The following AFF4 variants were observed in gnomAD, a reference collection of about 807,000 sequenced individuals.
AFF4 encodes the protein ALF transcription elongation factor 4, also known as AF4/FMR2 family member 4.
A neutral mutation model predicts 124.8 loss-of-function variants in AFF4; 13 were observed. The observed-to-expected ratio is 0.10, with a 90% confidence interval of 0.07 to 0.17. The LOEUF (loss-of-function observed/expected upper bound fraction) is 0.17, where lower values mean the gene tolerates loss of function less well. Ranked by LOEUF, AFF4 falls within the 10% of genes least tolerant of loss-of-function variation. AFF4 has a pLI of 1.00. For missense variants in AFF4, 1,092 were observed against 1,403.8 expected, an observed-to-expected ratio of 0.78 and a Z score of 3.55; for synonymous variants, 477 against 496.1, an observed-to-expected ratio of 0.96 and a Z score of 0.51.
At chr5:132,960,317 A>G (rs951063146) in intron 1 of AFF4, among the ~76,000 whole-genome samples, 1 of 152,220 alleles carries the variant, frequency 6.6e-6, no homozygotes, top group Non-Finnish European at 1.5e-5. Context: ...GAATAAAGCT[A>G]AAGTAAAAAA....
At chr5:132,885,420 G>A (rs374196919) in intron 18 of AFF4, among the ~76,000 whole-genome samples, 1 of 127,666 alleles carries the variant, frequency 7.8e-6, no homozygotes, top group East Asian at 2.5e-4. Flanking sequence ...GGGAGTAGCT[G>A]CAGTGAGCCA....
intron 1 of AFF4, among the ~76,000 whole-genome samples, chr5:132,948,032 G>A (rs768027555): frequency 6.6e-6 from 1 of 151,648 alleles, no homozygotes; most frequent in Admixed American, 6.6e-5. Context: ...TTCTCAACTC[G>A]TCCCTCAAAG....
rs1285677484 is a variant in AFF4 at position 132,900,834 on chromosome 5, G to A, written c.1134-1193C>T. ...AAAGCTTAGGGAGAACTACAACTAG[G>A]AAAATGTCTAATTTCTCATTATCAG... On this transcript the variant is annotated intron_variant, in intron 7 of 20. Coordinates refer to ENST00000265343, the MANE Select transcript of AFF4 (RefSeq NM_014423.4). 4.1e-6 allele frequency: 4 copies of A among 970,862 alleles called. No individual in the cohort carries two copies. The East Asian group carries it at 3.4e-4, about 83-fold the overall frequency. The allele number at this position is 970,862 out of a possible 1,614,324, so 60.1% of individuals were successfully genotyped here. A position where few individuals can be genotyped will look rare whatever the true frequency, so the allele number is the denominator to read the frequency against.
intron 1 of AFF4, among the ~76,000 whole-genome samples, chr5:132,940,480 G>A (rs1443044105): frequency 1.3e-5 from 2 of 151,858 alleles, no homozygotes; most frequent in Admixed American, 6.6e-5. Flanking sequence ...CAGCCTGGGC[G>A]ACAGAGGGAG....
Position 132,893,189 on chromosome 5 carries a change from C to T in AFF4, c.2308-71G>A, listed in dbSNP as rs1162603357. ...TTCAGCTTCCAGCACTAGCTACCCACAAAGAGTTTATCCATGATTAGGCAT... is the reference window on the plus strand; with the variant it reads ...TTCAGCTTCCAGCACTAGCTACCCATAAAGAGTTTATCCATGATTAGGCAT... On this transcript the variant is annotated intron_variant, in intron 11 of 20. Transcript: ENST00000265343. 9 of 1,233,964 alleles carry T rather than the reference C, an allele frequency of 7.3e-6. No homozygotes were observed. The Admixed American group carries it at 1.5e-4, about 21-fold the overall frequency. 76.4% of individuals were successfully genotyped at this position (1,233,964 alleles called of 1,614,324 possible).
At chr5:132,904,254 GA>G in intron 6 of AFF4, 113 bp downstream of exon 6, 4 of 906,344 alleles carry the variant, frequency 4.4e-6, no homozygotes, top group Non-Finnish European at 6.7e-6. Flanking sequence ...AAACAAAAAT[GA>G]AAAAGGATAT....
At chr5:132,958,085 T>C (rs1037821046) in intron 1 of AFF4, among the ~76,000 whole-genome samples, 1 of 152,168 alleles carries the variant, frequency 6.6e-6, no homozygotes, top group Non-Finnish European at 1.5e-5. Flanking sequence ...TGCGTGTTAC[T>C]TTTTTTAGTG....
At chr5:132,926,915 C>T in intron 5 of AFF4, 1 of 486,026 alleles carries the variant, frequency 2.1e-6, no homozygotes, top group East Asian at 3.8e-5. Context: ...TTCTTAATAC[C>T]TCTTGATCCA....
intron 1 of AFF4, among the ~76,000 whole-genome samples, chr5:132,962,773 C>G (rs909067529): frequency 2.6e-5 from 4 of 151,116 alleles, no homozygotes; most frequent in Non-Finnish European, 4.4e-5. Flanking sequence ...AGTCAATCCC[C>G]TTCGCAAGTC....
At chr5:132,933,413 G>C (rs572175335) in intron 3 of AFF4, among the ~76,000 whole-genome samples, 1 of 150,788 alleles carries the variant, frequency 6.6e-6, no homozygotes, top group African/African-American at 2.4e-5. Context: ...AAAAAAAAGA[G>C]AGAGATAAAA....
rs545736792 is a variant in AFF4 at position 132,937,063 on chromosome 5, T to A, written c.123+4A>T. ...AAAAAAACATTCACAGAAGGGCAAC[T>A]TACAACTTTGTATGGCTCTGCAAAG... On this transcript the variant is annotated splice_donor_region_variant and intron_variant, in intron 2 of 20. Coordinates refer to ENST00000265343, the MANE Select transcript of AFF4 (RefSeq NM_014423.4). 1 of 1,599,676 alleles carries A rather than the reference T, an allele frequency of 6.3e-7. No individual in the cohort carries two copies. Among genetic ancestry groups the A allele is most frequent in the African/African-American group, 1.3e-5 (1 of 74,752 alleles).
At chr5:132,959,817 T>G (rs973730271) in intron 1 of AFF4, among the ~76,000 whole-genome samples, 2 of 132,646 alleles carry the variant, frequency 1.5e-5, no homozygotes. Flanking sequence ...CAGGCTGGAG[T>G]GCAGTGGTGC....
intron 3 of AFF4, among the ~76,000 whole-genome samples, chr5:132,932,924 T>C (rs1051679660): frequency 1.3e-5 from 2 of 152,212 alleles, no homozygotes; most frequent in African/African-American, 4.8e-5. Flanking sequence ...AGTAATCAGA[T>C]AACAAATGCC....
At position 132,875,676 on chromosome 5, in the gene AFF4, T is replaced by A. The variant is rs1480728850; in HGVS notation, c.*5383A>T. The A allele has an allele frequency of 5.0e-6, 1 of 201,290 alleles. No individual in the cohort carries two copies. Among genetic ancestry groups the A allele is most frequent in the Non-Finnish European group, 1.0e-5 (1 of 97,542 alleles). The allele number at this position is 201,290 out of a possible 1,614,324, so 12.5% of individuals were successfully genotyped here. On this transcript the variant is annotated 3_prime_UTR_variant, in exon 21 of 21. Coordinates refer to ENST00000265343, the MANE Select transcript of AFF4 (RefSeq NM_014423.4). The stretch of plus-strand genomic sequence containing the variant: ...ATCTAGTTAGTATATAATACTTTGC[T>A]CACCATTAACAGCTTTATCGTGTGA...
intron 1 of AFF4, among the ~76,000 whole-genome samples, chr5:132,953,785 CA>C (rs1411416066): frequency 6.6e-6 from 1 of 152,060 alleles, no homozygotes; most frequent in Admixed American, 6.6e-5. Context: ...TGCCACCGTT[CA>C]AAACACACCA....
chr5:132,887,036 T>A (rs67422135), intron 17 of AFF4, among the ~76,000 whole-genome samples: 17,540 of 152,256 alleles, frequency 0.12, 1,283 homozygotes, highest in South Asian at 0.19. Flanking sequence ...TAGACTATAC[T>A]CCATGATGAA....
chr5:132,949,660 T>G (rs1157457445), intron 1 of AFF4, among the ~76,000 whole-genome samples: 2 of 151,044 alleles, frequency 1.3e-5, no homozygotes, highest in African/African-American at 4.9e-5. Context: ...CCATCCTGGC[T>G]AACACAGTGA....
At chr5:132,885,539 G>A (rs6596092) in intron 18 of AFF4, among the ~76,000 whole-genome samples, 126,921 of 150,394 alleles carry the variant, frequency 0.84, 54,157 homozygotes, top group Middle Eastern at 0.92. Context: ...AGAAAAGACA[G>A]TGTATGTGCC....
Position 132,879,822 on chromosome 5 carries a change from G to T in AFF4, c.*1237C>A, listed in dbSNP as rs1759928783. 1 of 231,092 alleles carries T rather than the reference G, an allele frequency of 4.3e-6. No homozygotes were observed. The highest frequency in any genetic ancestry group is 8.5e-6 in the Non-Finnish European group (1 of 117,222). 14.3% of individuals were successfully genotyped at this position (231,092 alleles called of 1,614,324 possible). On this transcript the variant is annotated 3_prime_UTR_variant, in exon 21 of 21. Coordinates refer to ENST00000265343, the MANE Select transcript of AFF4 (RefSeq NM_014423.4). ...AAGAGCTCACACTGAATCAAGTTAG[G>T]TACACTTTTCTAGTGTGAAATTTTC...
Sources: allele counts gnomAD v4.1 joint callset (sites outside exome capture counted in the v4.1 genomes callset), GRCh38; gene constraint gnomAD v4.1.1; transcripts MANE v1.5; gene names NCBI Gene and HGNC (gene_info 2026-07-23, HGNC 2026-07-21).